The following CTNNA3 variants were observed in gnomAD, a reference collection of about 807,000 sequenced individuals.
CTNNA3 encodes catenin alpha-3.
In CTNNA3, 76 loss-of-function variants were observed where a neutral mutation model predicts 95.7. The ratio of observed to expected loss-of-function variants is 0.79; its 90% CI spans 0.66 to 0.96. CTNNA3 has a LOEUF of 0.96. CTNNA3 is among the 40% of genes least tolerant of loss of function. The probability of loss-of-function intolerance (pLI) is 0.00; values close to 1 mark genes in which losing one functional copy is unlikely to be tolerated. For synonymous variants in CTNNA3, 431 were observed against 374.4 expected (o/e 1.15, Z -1.74); for missense variants, 1,191 against 1,089.8 (o/e 1.09, Z -1.31).
At chr10:67,165,928 T>G (rs1484984021) in intron 7 of CTNNA3, among the ~76,000 whole-genome samples, 2 of 152,234 alleles carry the variant, frequency 1.3e-5, no homozygotes, top group Non-Finnish European at 2.9e-5. Flanking sequence ...ATAGTGATTA[T>G]CATATCTCTG....
intron 7 of CTNNA3, among the ~76,000 whole-genome samples, chr10:66,818,163 C>T (rs1842162555): frequency 6.6e-6 from 1 of 151,078 alleles, no homozygotes; most frequent in South Asian, 2.1e-4. Context: ...TCTACAAAAA[C>T]CTCACAACTG....
intron 13 of CTNNA3, among the ~76,000 whole-genome samples, chr10:66,226,148 A>G (rs1344659574): frequency 1.3e-5 from 2 of 152,056 alleles, no homozygotes; most frequent in African/African-American, 2.4e-5. Context: ...GCCCAGGCCA[A>G]TATCTCTAGT....
intron 5 of CTNNA3, among the ~76,000 whole-genome samples, chr10:67,281,022 A>T (rs189324552): frequency 6.6e-6 from 1 of 152,228 alleles, no homozygotes; most frequent in Admixed American, 6.5e-5. Context: ...CCCACAAAAC[A>T]CAGCAATTCT....
At chr10:66,121,495 T>C (rs1408560488) in intron 13 of CTNNA3, among the ~76,000 whole-genome samples, 1 of 152,100 alleles carries the variant, frequency 6.6e-6, no homozygotes, top group Non-Finnish European at 1.5e-5. Context: ...ATCTTATATA[T>C]ACTAGCTTAA....
intron 12 of CTNNA3, among the ~76,000 whole-genome samples, chr10:66,308,944 A>G (rs1289599022): frequency 6.6e-6 from 1 of 152,192 alleles, no homozygotes; most frequent in African/African-American, 2.4e-5. Context: ...CTTAAGGGAA[A>G]TGGCAAATTA....
At chr10:65,966,955 G>C (rs952266096) in intron 16 of CTNNA3, among the ~76,000 whole-genome samples, 1 of 151,986 alleles carries the variant, frequency 6.6e-6, no homozygotes, top group East Asian at 1.9e-4. Context: ...CAAAAGGAAC[G>C]TTAAAATAAT....
At position 67,747,714 on chromosome 10, in the gene CTNNA3, T is replaced by A. The variant is rs140313017; in HGVS notation, c.-2+15720A>T. ...AGAGTGCCTCTTCTCCTCCAAATGATCACAACACCTCTCCAGCAAGGGGAC... is the reference window on the plus strand; with the variant it reads ...AGAGTGCCTCTTCTCCTCCAAATGAACACAACACCTCTCCAGCAAGGGGAC... On this transcript the variant is annotated intron_variant, in intron 1 of 17. Coordinates refer to the CTNNA3 transcript ENST00000684154. 2.5e-3 allele frequency among the ~76,000 whole-genome samples: 374 copies of A among 152,268 alleles called. 2 individuals are homozygous for A. The highest frequency in any genetic ancestry group is 8.5e-3 in the African/African-American group (352 of 41,554).
intron 13 of CTNNA3, among the ~76,000 whole-genome samples, chr10:66,257,078 G>A (rs1055573919): frequency 6.6e-6 from 1 of 152,114 alleles, no homozygotes; most frequent in Non-Finnish European, 1.5e-5. Context: ...TGGGGACGAG[G>A]GCAATGCCAA....
intron 1 of CTNNA3, among the ~76,000 whole-genome samples, chr10:67,741,328 T>G (rs12247091): frequency 2.1e-5 from 2 of 95,690 alleles, no homozygotes; most frequent in African/African-American, 7.6e-5. Flanking sequence ...AATAAAAAAA[T>G]AAAAAATAAA....
chr10:66,332,576 C>T (rs1256528805), intron 12 of CTNNA3, among the ~76,000 whole-genome samples: 1 of 152,040 alleles, frequency 6.6e-6, no homozygotes, highest in East Asian at 1.9e-4. Flanking sequence ...CGGCATGAAG[C>T]CCACTTGATC....
rs1554822933 is a variant in CTNNA3 at position 66,597,552 on chromosome 10, A to ATTTATT, written c.1374+24139_1374+24140insAATAAA. On this transcript the variant is annotated intron_variant, in intron 10 of 17. Coordinates refer to ENST00000433211, the MANE Select transcript of CTNNA3 (RefSeq NM_013266.4). ...TATATATATATATATATATATATATATATTTATTAAAAATTTTAAAAATAA... is the reference window on the plus strand; with the variant it reads ...TATATATATATATATATATATATATATTTATTTATTTATTAAAAATTTTAAAAATAA... Among the ~76,000 whole-genome samples, 3 of 130,522 alleles carry ATTTATT rather than the reference A, an allele frequency of 2.3e-5. No homozygotes were observed. In the South Asian group the frequency reaches 7.3e-4, roughly 32 times the overall value. 85.6% of individuals were successfully genotyped at this position (130,522 alleles called of 152,430 possible). A position where few individuals can be genotyped will look rare whatever the true frequency, so the allele number is the denominator to read the frequency against.
chr10:67,555,982 G>A (rs935560182), intron 3 of CTNNA3, among the ~76,000 whole-genome samples: 12 of 151,948 alleles, frequency 7.9e-5, no homozygotes, highest in Admixed American at 2.0e-4. Context: ...GAATTCTGTC[G>A]AAGCCTTTTC....
intron 1 of CTNNA3, among the ~76,000 whole-genome samples, chr10:67,687,856 C>G (rs896057031): frequency 6.6e-6 from 1 of 152,144 alleles, no homozygotes; most frequent in African/African-American, 2.4e-5. Flanking sequence ...CTTAGTCCTT[C>G]TAAAACACAG....
At chr10:65,961,567 T>C (rs1049285700) in intron 17 of CTNNA3, among the ~76,000 whole-genome samples, 4 of 152,078 alleles carry the variant, frequency 2.6e-5, no homozygotes, top group African/African-American at 9.7e-5. Flanking sequence ...TTGGTAATCA[T>C]AGAGGGAATA....
intron 5 of CTNNA3, among the ~76,000 whole-genome samples, chr10:67,289,152 A>G (rs543422396): frequency 6.6e-6 from 1 of 152,294 alleles, no homozygotes; most frequent in African/African-American, 2.4e-5. Context: ...AGAATTTCTA[A>G]TATTTTTCAG....
At chr10:66,787,284 T>G (rs901783758) in intron 7 of CTNNA3, among the ~76,000 whole-genome samples, 2 of 152,012 alleles carry the variant, frequency 1.3e-5, no homozygotes, top group Non-Finnish European at 2.9e-5. Flanking sequence ...TAAATGTTAC[T>G]ATTGGTGGTG....
chr10:67,635,319 T>G (rs1197309622), intron 2 of CTNNA3, among the ~76,000 whole-genome samples: 2 of 152,228 alleles, frequency 1.3e-5, no homozygotes, highest in African/African-American at 4.8e-5. Context: ...TAACTCATTC[T>G]ATGAGGCCAG....
intron 3 of CTNNA3, among the ~76,000 whole-genome samples, chr10:67,591,656 G>T (rs1480606519): frequency 1.3e-5 from 2 of 151,674 alleles, no homozygotes; most frequent in African/African-American, 4.8e-5. Flanking sequence ...AAAAACAAAT[G>T]TACAAAATAC....
intron 5 of CTNNA3, among the ~76,000 whole-genome samples, 155 bp from the exon 6 acceptor site, chr10:67,220,025 A>C (rs1213184665): frequency 6.6e-6 from 1 of 152,226 alleles, no homozygotes; most frequent in African/African-American, 2.4e-5. Flanking sequence ...TTATTTCTAC[A>C]TTCTTTCAGT....
Sources: gnomAD v4.1 joint callset for allele counts (sites outside exome capture counted in the v4.1 genomes callset) on GRCh38, gnomAD v4.1.1 for gene constraint, MANE v1.5 for transcripts, NCBI Gene and HGNC (gene_info 2026-07-23, HGNC 2026-07-21) for gene names.